Variants in ADAM12 observed in about 807,000 individuals in gnomAD.
The protein encoded by ADAM12 is ADAM metallopeptidase domain 12, also known as disintegrin and metalloproteinase domain-containing protein 12.
Under a neutral mutation model 106.4 loss-of-function variants are expected in ADAM12, and 70 were observed. The ratio of observed to expected loss-of-function variants is 0.66; its 90% CI spans 0.54 to 0.80. ADAM12 has a LOEUF of 0.80. Ranked by LOEUF, ADAM12 falls within the 30% of genes least tolerant of loss-of-function variation. The pLI is 0.00. For synonymous variants in ADAM12, 420 were observed against 433.5 expected (o/e 0.97, Z 0.39); for missense variants, 1,010 against 1,171.9 (o/e 0.86, Z 2.02).
chr10:126,082,361 C>CTTTTTTTTTT (rs1955236644), intron 11 of ADAM12, among the ~76,000 whole-genome samples: 1 of 50,030 alleles, frequency 2.0e-5, no homozygotes, highest in African/African-American at 9.0e-5. Flanking sequence ...AATCTAATGA[C>CTTTTTTTTTT]TGTTTTTTTT....
At chr10:126,070,353 A>C (rs531320318) in intron 12 of ADAM12, 1 of 152,362 alleles carries the variant, frequency 6.6e-6, no homozygotes, top group Non-Finnish European at 1.5e-5. Flanking sequence ...CCACTTCTAC[A>C]TCACATCCCC....
intron 3 of ADAM12, among the ~76,000 whole-genome samples, chr10:126,167,482 T>G (rs1222139520): frequency 6.6e-6 from 1 of 152,212 alleles, no homozygotes; most frequent in African/African-American, 2.4e-5. Flanking sequence ...CTTATTGCCA[T>G]GGGTCAAAAC....
intron 3 of ADAM12, among the ~76,000 whole-genome samples, chr10:126,167,406 T>C (rs1957042859): frequency 6.6e-6 from 1 of 152,228 alleles, no homozygotes; most frequent in South Asian, 2.1e-4. Context: ...ATACTTAATG[T>C]AGCAATCTCT....
intron 3 of ADAM12, among the ~76,000 whole-genome samples, chr10:126,211,997 G>A (rs1957911894): frequency 6.6e-6 from 1 of 152,234 alleles, no homozygotes; most frequent in Non-Finnish European, 1.5e-5. Context: ...CAGAATGTGG[G>A]TGATGGGGAG....
intron 2 of ADAM12, among the ~76,000 whole-genome samples, chr10:126,315,455 C>T (rs1853824914): frequency 6.6e-6 from 1 of 152,176 alleles, no homozygotes; most frequent in African/African-American, 2.4e-5. Context: ...GATGCTGTTT[C>T]TGTCCTTTCC....
chr10:126,188,321 C>T (rs1957436063), intron 3 of ADAM12, among the ~76,000 whole-genome samples: 1 of 129,272 alleles, frequency 7.7e-6, no homozygotes. Context: ...ACTGGGTGTG[C>T]TCTAATTCTT....
At chr10:126,229,064 G>T (rs1415188462) in intron 3 of ADAM12, among the ~76,000 whole-genome samples, 2 of 152,200 alleles carry the variant, frequency 1.3e-5, no homozygotes, top group Non-Finnish European at 2.9e-5. Context: ...AACCTGAGAT[G>T]ACCACGCTAA....
At chr10:126,282,784 A>C (rs570203033) in intron 2 of ADAM12, among the ~76,000 whole-genome samples, 11 of 152,108 alleles carry the variant, frequency 7.2e-5, no homozygotes, top group African/African-American at 2.4e-4. Flanking sequence ...GTTCCTGTGT[A>C]CATGTCTCCT....
chr10:126,230,101 T>C (rs551020969), intron 3 of ADAM12, among the ~76,000 whole-genome samples: 1 of 152,294 alleles, frequency 6.6e-6, no homozygotes, highest in South Asian at 2.1e-4. Flanking sequence ...TGTGGTACTC[T>C]CCTTTCCTGT....
At chr10:126,319,750 A>T (rs923011772) in intron 2 of ADAM12, among the ~76,000 whole-genome samples, 1 of 152,236 alleles carries the variant, frequency 6.6e-6, no homozygotes, top group African/African-American at 2.4e-5. Context: ...TGACAAGTGT[A>T]ACAACAGGGG....
At chr10:126,251,806 A>AG (rs1958771683) in intron 3 of ADAM12, among the ~76,000 whole-genome samples, 1 of 145,118 alleles carries the variant, frequency 6.9e-6, no homozygotes, top group African/African-American at 2.6e-5. Context: ...TGGGATGGAT[A>AG]CATGAATTGA....
rs1036707145 is a variant in ADAM12 at position 126,388,373 on chromosome 10, G to A, written c.-228C>T. ...GTGCGTGCGTGCGCGCGCGCGCGCCGTTCTGGCACAAGCCAGCCTTGACCG... is the reference window on the plus strand; with the variant it reads ...GTGCGTGCGTGCGCGCGCGCGCGCCATTCTGGCACAAGCCAGCCTTGACCG... On this transcript the variant is annotated 5_prime_UTR_variant, in exon 1 of 23. In the 5' UTR this introduces an upstream ATG that the reference lacks. Transcript: ENST00000448723. This position sits in a 1 kb window ranked among gnomAD's most constrained non-coding sequence, Gnocchi z 4.4. 1.7e-4 allele frequency: 83 copies of A among 484,640 alleles called. No homozygotes were observed. Among genetic ancestry groups the A allele is most frequent in the Non-Finnish European group, 2.1e-4 (67 of 326,540 alleles). The allele number at this position is 484,640 out of a possible 1,614,324, so 30.0% of individuals were successfully genotyped here.
intron 2 of ADAM12, among the ~76,000 whole-genome samples, chr10:126,297,807 A>T (rs1960450096): frequency 6.6e-6 from 1 of 152,204 alleles, no homozygotes. Flanking sequence ...AGAAGGTATG[A>T]TCCCAAAATG....
At chr10:126,296,006 A>G (rs1433300465) in intron 2 of ADAM12, among the ~76,000 whole-genome samples, 1 of 152,074 alleles carries the variant, frequency 6.6e-6, no homozygotes, top group Non-Finnish European at 1.5e-5. Context: ...GCTACAACCA[A>G]TTCCAAGTTC....
intron 3 of ADAM12, among the ~76,000 whole-genome samples, chr10:126,258,767 C>T (rs1233177067): frequency 6.6e-6 from 1 of 152,096 alleles, no homozygotes; most frequent in Non-Finnish European, 1.5e-5. Flanking sequence ...CCACAGGTGA[C>T]AGTACTTCTA....
chr10:126,359,376 G>T (rs909775262), intron 1 of ADAM12, among the ~76,000 whole-genome samples: 2 of 152,114 alleles, frequency 1.3e-5, no homozygotes, highest in African/African-American at 4.8e-5. Context: ...CCGAGACAAG[G>T]CAAGTCCCTT....
chr10:126,388,291 G>A lies in ADAM12; in HGVS notation c.-146C>T, dbSNP rs1856753240. 5 of 1,121,162 alleles carry A rather than the reference G, an allele frequency of 4.5e-6. No homozygotes were observed. The highest frequency in any genetic ancestry group is 1.1e-6 in the Non-Finnish European group (1 of 901,310). The allele number at this position is 1,121,162 out of a possible 1,614,324, so 69.5% of individuals were successfully genotyped here. The stretch of plus-strand genomic sequence containing the variant: ...GCTCCGGAGCCCTCGCGCAGCGCCC[G>A]CGCCGCCGCTGAGCTCTTCTAGCCT... On this transcript the variant is annotated 5_prime_UTR_variant, in exon 1 of 23. Transcript: ENST00000448723. The surrounding 1 kb of genome is among the most constrained non-coding windows in gnomAD (Gnocchi z 4.4).
At chr10:126,333,913 T>C (rs961748178) in intron 1 of ADAM12, among the ~76,000 whole-genome samples, 3 of 152,204 alleles carry the variant, frequency 2.0e-5, no homozygotes, top group Non-Finnish European at 2.9e-5. Context: ...TTTTGAGAAA[T>C]TGAGTGACTG....
intron 3 of ADAM12, among the ~76,000 whole-genome samples, chr10:126,177,138 G>A (rs1590565796): frequency 6.6e-6 from 1 of 152,126 alleles, no homozygotes; most frequent in Non-Finnish European, 1.5e-5. Flanking sequence ...TGTGCTATAG[G>A]AAATGCTTAT....
Sources: gnomAD v4.1 joint callset for allele counts (sites outside exome capture counted in the v4.1 genomes callset) on GRCh38, gnomAD v4.1.1 for gene constraint, Gnocchi (gnomAD v3.1) non-coding constraint, MANE v1.5 for transcripts, NCBI Gene and HGNC (gene_info 2026-07-23, HGNC 2026-07-21) for gene names.